The following PLEKHG1 variants were observed in gnomAD, a reference collection of about 807,000 sequenced individuals.
PLEKHG1 encodes the protein pleckstrin homology and RhoGEF domain containing G1.
Under a neutral mutation model 100.8 loss-of-function variants are expected in PLEKHG1, and 44 were observed. The ratio of observed to expected loss-of-function variants is 0.44; its 90% CI spans 0.34 to 0.56. PLEKHG1 has a LOEUF of 0.56. Ranked by LOEUF, PLEKHG1 falls within the 20% of genes least tolerant of loss-of-function variation. PLEKHG1 has a pLI of 0.01. For synonymous variants in PLEKHG1, 640 were observed against 662.5 expected, an observed-to-expected ratio of 0.97 and a Z score of 0.52; for missense variants, 1,545 against 1,720.9, an observed-to-expected ratio of 0.90 and a Z score of 1.81.
rs1776300411 is a variant in PLEKHG1, at chr6:150,600,520, C to T, written c.-204+503C>T. ...CAGCGAAGCCGGGAGCCCGAGGACC[C>T]GGGGACGCGCGGTGGGGGCGGCGGC... On this transcript the variant is annotated intron_variant, in intron 1 of 3. Coordinates refer to the PLEKHG1 transcript ENST00000367326. The surrounding 1 kb of genome is among the most constrained non-coding windows in gnomAD (Gnocchi z 6.2). Among the ~76,000 whole-genome samples, 1 of 151,504 alleles carries T rather than the reference C, an allele frequency of 6.6e-6. No homozygotes were observed. Among genetic ancestry groups the T allele is most frequent in the Non-Finnish European group, 1.5e-5 (1 of 67,866 alleles).
intron 14 of PLEKHG1, among the ~76,000 whole-genome samples, chr6:150,826,042 G>A (rs535048817): frequency 8.5e-4 from 129 of 152,090 alleles, no homozygotes; most frequent in African/African-American, 3.0e-3. Context: ...TCAGCAGGGC[G>A]TGGTCGTGGG....
intron 2 of PLEKHG1, among the ~76,000 whole-genome samples, chr6:150,737,584 G>T (rs922466369): frequency 3.3e-5 from 5 of 152,030 alleles, no homozygotes; most frequent in Non-Finnish European, 7.4e-5. Flanking sequence ...GAGCCACCGC[G>T]CCCGGCCTGG....
intron 2 of PLEKHG1, among the ~76,000 whole-genome samples, chr6:150,640,021 G>A (rs1159533605): frequency 6.6e-6 from 1 of 152,224 alleles, no homozygotes; most frequent in Admixed American, 6.5e-5. Flanking sequence ...CTCCAAGTCG[G>A]ACAGCTCCTT....
At chr6:150,815,147 T>C (rs778718004) in intron 10 of PLEKHG1, among the ~76,000 whole-genome samples, 1 of 152,256 alleles carries the variant, frequency 6.6e-6, no homozygotes, top group South Asian at 2.1e-4. Flanking sequence ...TTTCCTAAAG[T>C]TTTCAAAATG....
intron 1 of PLEKHG1, among the ~76,000 whole-genome samples, chr6:150,730,426 A>G (rs1465840873): frequency 6.6e-6 from 1 of 152,108 alleles, no homozygotes; most frequent in East Asian, 1.9e-4. Flanking sequence ...GGATCGTGCA[A>G]CCTAGATCCC....
intron 3 of PLEKHG1, among the ~76,000 whole-genome samples, chr6:150,710,283 G>A (rs142260484): frequency 6.6e-6 from 1 of 152,296 alleles, no homozygotes; most frequent in Non-Finnish European, 1.5e-5. Flanking sequence ...CCTGGAAGTA[G>A]CCAGACAAAC....
chr6:150,813,926 A>G (rs1787700269), intron 10 of PLEKHG1, among the ~76,000 whole-genome samples: 1 of 152,174 alleles, frequency 6.6e-6, no homozygotes, highest in African/African-American at 2.4e-5. Context: ...GATGATGATC[A>G]TGAAAATTGA....
intron 3 of PLEKHG1, among the ~76,000 whole-genome samples, chr6:150,670,277 A>G (rs912891734): frequency 1.3e-5 from 2 of 152,206 alleles, no homozygotes; most frequent in African/African-American, 4.8e-5. Context: ...TTCTTTTCAT[A>G]GCCTTCCACT....
chr6:150,827,637 G>C, intron 14 of PLEKHG1: 1 of 806,572 alleles, frequency 1.2e-6, no homozygotes, highest in Admixed American at 1.7e-5. Flanking sequence ...GGCACAGCTG[G>C]CTTGAGCAAC....
At chr6:150,640,064 T>C (rs149949739) in intron 2 of PLEKHG1, among the ~76,000 whole-genome samples, 118 of 152,370 alleles carry the variant, frequency 7.7e-4, no homozygotes, top group Middle Eastern at 3.4e-3. Flanking sequence ...CCCAAATCTT[T>C]CGATTCCAAA....
chr6:150,660,684 A>G (rs1004430834), intron 3 of PLEKHG1, among the ~76,000 whole-genome samples: 3 of 152,222 alleles, frequency 2.0e-5, no homozygotes, highest in Non-Finnish European at 4.4e-5. Flanking sequence ...AACTTTATCT[A>G]TAATTCCAAC....
At chr6:150,674,286 C>T (rs879375149) in intron 3 of PLEKHG1, among the ~76,000 whole-genome samples, 37 of 150,448 alleles carry the variant, frequency 2.5e-4, no homozygotes, top group Non-Finnish European at 4.0e-4. Flanking sequence ...AATGAACAAG[C>T]GTTGAAAAAG....
chr6:150,655,266 G>A (rs1778918718), intron 3 of PLEKHG1, among the ~76,000 whole-genome samples: 1 of 152,184 alleles, frequency 6.6e-6, no homozygotes, highest in Non-Finnish European at 1.5e-5. Flanking sequence ...ATTTGATCCA[G>A]CAGTCCCATT....
chr6:150,835,549 C>A (rs76653901), intron 15 of PLEKHG1, among the ~76,000 whole-genome samples: 1 of 152,096 alleles, frequency 6.6e-6, no homozygotes, highest in African/African-American at 2.4e-5. Flanking sequence ...GACATTCTTG[C>A]GATTGTCATG....
chr6:150,666,044 G>A (rs923078043), intron 3 of PLEKHG1, among the ~76,000 whole-genome samples: 2 of 152,152 alleles, frequency 1.3e-5, no homozygotes, highest in Admixed American at 6.5e-5. Context: ...CGTTGGAAAT[G>A]CTCTCGTTTA....
intron 3 of PLEKHG1, among the ~76,000 whole-genome samples, chr6:150,654,527 G>C (rs1425415750): frequency 6.6e-6 from 1 of 152,134 alleles, no homozygotes; most frequent in Non-Finnish European, 1.5e-5. Context: ...GCCCATCCCA[G>C]GTCAGTTGCT....
In PLEKHG1 at chr6:150,651,474, G is replaced by T. The variant is rs934734490; in HGVS notation, c.-99+688G>T. Among the ~76,000 whole-genome samples, 7 of 152,068 alleles carry T rather than the reference G, an allele frequency of 4.6e-5. No homozygotes were observed. In the South Asian group the frequency reaches 1.5e-3, roughly 32 times the overall value. ...GTCATGAACTCCTGACCTCAAGTGA[G>T]CCATCCACCTCGGCCACCTAAAGTA... On this transcript the variant is annotated intron_variant, in intron 3 of 3. Transcript: ENST00000367326.
upstream of PLEKHG1, among the ~76,000 whole-genome samples, chr6:150,716,278 A>C (rs894018597): frequency 2.6e-5 from 4 of 152,146 alleles, no homozygotes; most frequent in African/African-American, 9.7e-5. Flanking sequence ...CAAGATCTTA[A>C]ATTACAAGAT....
chr6:150,832,681 CT>C (rs66957918), intron 15 of PLEKHG1, among the ~76,000 whole-genome samples: 34 of 125,434 alleles, frequency 2.7e-4, no homozygotes, highest in Non-Finnish European at 2.9e-4. Context: ...TTTTTGCATA[CT>C]TTTTTTTTTT....
Sources: allele counts gnomAD v4.1 joint callset (sites outside exome capture counted in the v4.1 genomes callset), GRCh38; gene constraint gnomAD v4.1.1; non-coding constraint Gnocchi (gnomAD v3.1); transcripts MANE v1.5; gene names NCBI Gene and HGNC (gene_info 2026-07-23, HGNC 2026-07-21).